NAV2: variants seen among roughly 807,000 people sequenced by gnomAD.
NAV2 encodes helicase, APC down-regulated 1.
A neutral mutation model predicts 223.2 loss-of-function variants in NAV2; 54 were observed. That is an observed-to-expected ratio of 0.24 (90% CI 0.19 to 0.30). NAV2 has a LOEUF of 0.30. Ranked by LOEUF, NAV2 falls within the 10% of genes least tolerant of loss-of-function variation. NAV2 has a pLI of 1.00. For missense variants in NAV2, 2,806 were observed against 3,147.5 expected (o/e 0.89, Z 2.60); for synonymous variants, 1,279 against 1,239.3 (o/e 1.03, Z -0.67).
chr11:20,036,182 G>A, intron 12 of NAV2, 85 bp downstream of exon 12: 3 of 1,514,484 alleles, frequency 2.0e-6, no homozygotes, highest in Non-Finnish European at 2.7e-6. Context: ...GGGCCATTTG[G>A]GGCAACCAGA....
intron 1 of NAV2, among the ~76,000 whole-genome samples, chr11:19,522,272 T>C (rs1237953685): frequency 6.6e-5 from 10 of 152,056 alleles, no homozygotes; most frequent in Non-Finnish European, 1.5e-4. Context: ...TCACAAGGCA[T>C]TCGCCTCCCT....
At chr11:19,350,656 GC>G (rs1056805222), upstream of NAV2, 41 of 431,094 alleles carry the variant, frequency 9.5e-5, no homozygotes, top group African/African-American at 5.9e-4. Context: ...ACTTGTCTTT[GC>G]CCAGATTTGT....
intron 1 of NAV2, among the ~76,000 whole-genome samples, chr11:19,610,625 T>G (rs1298189098): frequency 6.6e-6 from 1 of 152,220 alleles, no homozygotes; most frequent in South Asian, 2.1e-4. Context: ...GGAGGAAGTC[T>G]AGAGGTCAAT....
chr11:19,405,230 A>G (rs12293891), intron 1 of NAV2, among the ~76,000 whole-genome samples: 73,984 of 151,938 alleles, frequency 0.49, 18,825 homozygotes, highest in Non-Finnish European at 0.57. Context: ...GGCTCTCTTC[A>G]TGGATGGGGA....
At chr11:19,673,132 A>G (rs2048615046) in intron 1 of NAV2, among the ~76,000 whole-genome samples, 1 of 152,234 alleles carries the variant, frequency 6.6e-6, no homozygotes, top group Admixed American at 6.5e-5. Flanking sequence ...AAAGACTAAT[A>G]CTTAGCATAT....
At chr11:19,776,951 G>A (rs370275352) in intron 1 of NAV2, among the ~76,000 whole-genome samples, 15 of 152,084 alleles carry the variant, frequency 9.9e-5, no homozygotes, top group African/African-American at 3.6e-4. Flanking sequence ...CCCCGAAATA[G>A]TTAAGTATCC....
At chr11:19,884,216 ACT>A (rs991745645) in intron 5 of NAV2, 2 of 1,037,858 alleles carry the variant, frequency 1.9e-6, no homozygotes, top group South Asian at 1.5e-5. Context: ...TTGTCAGAAG[ACT>A]CTTAGGATTT....
intron 1 of NAV2, among the ~76,000 whole-genome samples, chr11:19,449,603 G>A (rs374612898): frequency 2.0e-4 from 29 of 146,352 alleles, no homozygotes; most frequent in Middle Eastern, 3.5e-3. Flanking sequence ...AAGAATTCAG[G>A]GTGTGTGTGT....
chr11:19,514,619 A>G (rs1480053710), intron 1 of NAV2, among the ~76,000 whole-genome samples: 1 of 152,088 alleles, frequency 6.6e-6, no homozygotes, highest in Non-Finnish European at 1.5e-5. Flanking sequence ...ATGGTCCCTA[A>G]ATCCATTATG....
chr11:19,406,960 A>G (rs1383804920), intron 1 of NAV2, among the ~76,000 whole-genome samples: 1 of 152,088 alleles, frequency 6.6e-6, no homozygotes, highest in Non-Finnish European at 1.5e-5. Context: ...ACTCCCTTTC[A>G]GGAATTGTGT....
rs559988012 is a variant in NAV2 at position 19,476,442 on chromosome 11, C to T, written c.75+125415C>T. Among the ~76,000 whole-genome samples, 7 of 152,218 alleles carry T rather than the reference C, an allele frequency of 4.6e-5. No homozygotes were observed. In the South Asian group the frequency reaches 1.5e-3, roughly 32 times the overall value. On this transcript the variant is annotated intron_variant, in intron 1 of 37. Transcript: ENST00000360655. ...TGTATTGCCAACCACTGGGCTACTG[C>T]TAGAACCTCTAGGCCTGGATCCTGA... is the stretch of plus-strand genomic sequence containing the variant.
chr11:19,789,487 G>A (rs576132601), intron 1 of NAV2, among the ~76,000 whole-genome samples: 3 of 152,226 alleles, frequency 2.0e-5, no homozygotes, highest in Admixed American at 1.3e-4. Context: ...AGAAGTAACC[G>A]GAATGCATAC....
At chr11:19,653,889 T>A (rs1223159680) in intron 1 of NAV2, among the ~76,000 whole-genome samples, 5 of 152,062 alleles carry the variant, frequency 3.3e-5, no homozygotes, top group Non-Finnish European at 7.4e-5. Context: ...CCACTCCACC[T>A]CCCACACTCC....
chr11:19,535,785 A>G (rs1014945441), intron 1 of NAV2, among the ~76,000 whole-genome samples: 13 of 152,290 alleles, frequency 8.5e-5, no homozygotes, highest in South Asian at 2.1e-4. Context: ...TTAACGCCCA[A>G]CAGCGTGGGG....
intron 1 of NAV2, among the ~76,000 whole-genome samples, chr11:19,779,588 C>T (rs2056578598): frequency 6.6e-6 from 1 of 152,226 alleles, no homozygotes; most frequent in East Asian, 1.9e-4. Context: ...AGCCTTGCCA[C>T]TTACTAATCC....
chr11:19,860,990 A>C lies in NAV2; in HGVS notation c.439-7935A>C, dbSNP rs1311376718. Among the ~76,000 whole-genome samples, 4 of 139,658 alleles carry C rather than the reference A, an allele frequency of 2.9e-5. No individual in the cohort carries two copies. The Admixed American group carries it at 2.9e-4, about 10-fold the overall frequency. 91.6% of individuals were successfully genotyped at this position (139,658 alleles called of 152,430 possible). A position where few individuals can be genotyped will look rare whatever the true frequency, so the allele number is the denominator to read the frequency against. On this transcript the variant is annotated intron_variant, in intron 3 of 37. Coordinates refer to ENST00000349880, the MANE Select transcript of NAV2 (RefSeq NM_145117.5). ...AGCCGAGATGGCAGCAGTACAGTCC[A>C]GCTTCGGCTCGGCATCAGAGGGAGA...
At chr11:19,953,854 C>T (rs866681756) in intron 10 of NAV2, among the ~76,000 whole-genome samples, 61 of 142,506 alleles carry the variant, frequency 4.3e-4, no homozygotes, top group African/African-American at 1.3e-3. Context: ...TGTGCACGCG[C>T]GCGCGTGTGT....
At chr11:19,852,873 T>G (rs11025290) in intron 3 of NAV2, among the ~76,000 whole-genome samples, 1 of 152,294 alleles carries the variant, frequency 6.6e-6, no homozygotes, top group South Asian at 2.1e-4. Context: ...TGGAGTGATG[T>G]GACATATCAA....
intron 1 of NAV2, among the ~76,000 whole-genome samples, chr11:19,824,474 A>G (rs189981192): frequency 6.6e-6 from 1 of 152,286 alleles, no homozygotes; most frequent in Non-Finnish European, 1.5e-5. Context: ...TTTCTGAGAA[A>G]CCGGAGAGCA....
Sources: allele counts gnomAD v4.1 joint callset (sites outside exome capture counted in the v4.1 genomes callset), GRCh38; gene constraint gnomAD v4.1.1; transcripts MANE v1.5; gene names NCBI Gene and HGNC (gene_info 2026-07-23, HGNC 2026-07-21).